Variants in BABAM2 observed in about 807,000 individuals in gnomAD.
BABAM2 encodes the protein BRISC and BRCA1 A complex member 2, also known as BRISC and BRCA1-A complex member 2.
BABAM2 carries 31 observed loss-of-function variants against 54.7 expected under a neutral mutation model. The observed-to-expected ratio is 0.57, with a 90% CI of 0.43 to 0.77. The LOEUF (loss-of-function observed/expected upper bound fraction) is 0.77, where lower values mean the gene tolerates loss of function less well. Ranked by LOEUF, BABAM2 falls within the 30% of genes least tolerant of loss-of-function variation. The pLI is 0.00. For synonymous variants in BABAM2, 167 were observed against 162.9 expected, an observed-to-expected ratio of 1.03 and a Z score of -0.19; for missense variants, 364 against 455.8, an observed-to-expected ratio of 0.80 and a Z score of 1.83.
intron 3 of BABAM2, among the ~76,000 whole-genome samples, chr2:27,979,394 T>C (rs539224953): frequency 6.0e-4 from 91 of 151,986 alleles, no homozygotes; most frequent in African/African-American, 2.2e-3. Flanking sequence ...TCCAAGTCTT[T>C]GCTATTGTGA....
chr2:28,140,421 G>A (rs1419437573), intron 7 of BABAM2, among the ~76,000 whole-genome samples: 1 of 152,086 alleles, frequency 6.6e-6, no homozygotes, highest in Non-Finnish European at 1.5e-5. Context: ...GGCAGGACAA[G>A]GCAATTTTTT....
At chr2:28,134,996 T>C (rs1339219745) in intron 7 of BABAM2, among the ~76,000 whole-genome samples, 1 of 152,188 alleles carries the variant, frequency 6.6e-6, no homozygotes, top group African/African-American at 2.4e-5. Context: ...TCATCTTCTG[T>C]GAAGAGGAAT....
At chr2:27,950,545 A>G (rs1669632938) in intron 3 of BABAM2, among the ~76,000 whole-genome samples, 2 of 152,098 alleles carry the variant, frequency 1.3e-5, no homozygotes, top group South Asian at 4.1e-4. Context: ...TGTTGGATTT[A>G]ATTTGCTAAA....
chr2:27,942,828 A>AT (rs368709577), intron 3 of BABAM2, among the ~76,000 whole-genome samples: 25 of 151,000 alleles, frequency 1.7e-4, no homozygotes, highest in South Asian at 1.3e-3. Context: ...TTATTTATTT[A>AT]TTAAGACAGG....
At chr2:28,045,007 A>G (rs1022197190) in intron 5 of BABAM2, among the ~76,000 whole-genome samples, 10 of 152,146 alleles carry the variant, frequency 6.6e-5, no homozygotes, top group African/African-American at 2.4e-4. Flanking sequence ...AAAAAAAAAA[A>G]AAGTGATTCC....
At chr2:28,001,507 A>C (rs1184661323) in intron 4 of BABAM2, among the ~76,000 whole-genome samples, 1 of 152,202 alleles carries the variant, frequency 6.6e-6, no homozygotes, top group Non-Finnish European at 1.5e-5. Context: ...CAGTTATGCT[A>C]TAAGGCAGGA....
chr2:28,103,301 T>TTTTTG (rs76344388), intron 6 of BABAM2, among the ~76,000 whole-genome samples: 17,618 of 149,640 alleles, frequency 0.12, 1,041 homozygotes, highest in East Asian at 0.15. Context: ...TTACTTAGTA[T>TTTTTG]TTTTGTTTTG....
chr2:27,916,178 T>C (rs191904996), intron 2 of BABAM2, among the ~76,000 whole-genome samples: 1 of 152,252 alleles, frequency 6.6e-6, no homozygotes, highest in Admixed American at 6.5e-5. Context: ...GTCTATGGGA[T>C]TTAGATAAAT....
At chr2:27,904,125 G>A (rs79687387) in intron 2 of BABAM2, among the ~76,000 whole-genome samples, 87 of 152,244 alleles carry the variant, frequency 5.7e-4, no homozygotes, top group African/African-American at 1.9e-3. Context: ...TGTCCTAGGC[G>A]GGACAGAGTT....
intron 3 of BABAM2, among the ~76,000 whole-genome samples, chr2:27,939,138 A>C (rs1668695666): frequency 6.6e-6 from 1 of 152,028 alleles, no homozygotes; most frequent in Non-Finnish European, 1.5e-5. Context: ...TTTTTAGTAG[A>C]GACAGGGTTT....
intron 7 of BABAM2, among the ~76,000 whole-genome samples, chr2:28,158,444 T>G (rs1672756801): frequency 6.6e-6 from 1 of 152,226 alleles, no homozygotes; most frequent in Non-Finnish European, 1.5e-5. Context: ...AGTAATAAGG[T>G]AGCTCCTCAG....
chr2:28,239,481 G>A (rs59585444), intron 8 of BABAM2, among the ~76,000 whole-genome samples: 25,969 of 152,164 alleles, frequency 0.17, 2,339 homozygotes, highest in African/African-American at 0.19. Flanking sequence ...ACTTTCAGAT[G>A]CCTAGCTTAA....
Position 27,929,919 on chromosome 2 carries a change from G to A in BABAM2, c.205+11G>A, listed in dbSNP as rs1487138730. The A allele has an allele frequency of 1.2e-6, 2 of 1,601,960 alleles. No homozygotes were observed. Among genetic ancestry groups the A allele is most frequent in the East Asian group, 4.5e-5 (2 of 44,806 alleles). ...GAGAGACATTAAAGTGTAAGTAAATGATGACTATTTTACTCAAAATGTAGG... is the reference window on the plus strand; with the variant it reads ...GAGAGACATTAAAGTGTAAGTAAATAATGACTATTTTACTCAAAATGTAGG... On this transcript the variant is annotated intron_variant, in intron 3 of 11. Transcript: ENST00000379624.
At chr2:28,008,982 C>T (rs1324285201) in intron 4 of BABAM2, among the ~76,000 whole-genome samples, 3 of 152,012 alleles carry the variant, frequency 2.0e-5, no homozygotes, top group African/African-American at 4.8e-5. Flanking sequence ...TCCTGGGATA[C>T]GTGTGGGGCA....
intron 10 of BABAM2, among the ~76,000 whole-genome samples, chr2:28,271,247 G>A (rs1158029989): frequency 6.6e-6 from 1 of 152,188 alleles, no homozygotes; most frequent in African/African-American, 2.4e-5. Flanking sequence ...ATCCCAAATA[G>A]AGGAGATTTT....
At chr2:28,195,545 G>A (rs1182853094) in intron 7 of BABAM2, among the ~76,000 whole-genome samples, 3 of 152,206 alleles carry the variant, frequency 2.0e-5, no homozygotes, top group African/African-American at 7.2e-5. Flanking sequence ...GCAACTGAGG[G>A]AATGGTTTCC....
chr2:28,235,073 G>GA (rs1681773629), intron 7 of BABAM2, among the ~76,000 whole-genome samples: 1 of 152,184 alleles, frequency 6.6e-6, no homozygotes, highest in Non-Finnish European at 1.5e-5. Flanking sequence ...CATCTGAGTA[G>GA]AAAAAGTCAA....
intron 7 of BABAM2, among the ~76,000 whole-genome samples, chr2:28,140,346 T>A (rs1424331000): frequency 1.3e-5 from 2 of 152,176 alleles, no homozygotes; most frequent in Non-Finnish European, 2.9e-5. Flanking sequence ...CTTCCAAGTA[T>A]GAGGACCTTT....
intron 11 of BABAM2, among the ~76,000 whole-genome samples, chr2:28,311,528 G>A (rs913418616): frequency 7.2e-5 from 11 of 152,146 alleles, no homozygotes; most frequent in Non-Finnish European, 1.3e-4. Context: ...GAACAGCTGG[G>A]GGAAGAAACG....
Sources: gnomAD v4.1 joint callset for allele counts (sites outside exome capture counted in the v4.1 genomes callset) on GRCh38, gnomAD v4.1.1 for gene constraint, MANE v1.5 for transcripts, NCBI Gene and HGNC (gene_info 2026-07-23, HGNC 2026-07-21) for gene names.